VWA8: variants seen among roughly 807,000 people sequenced by gnomAD.
VWA8 encodes the protein von Willebrand factor A domain-containing protein 8.
VWA8 carries 221 observed loss-of-function variants against 241.5 expected under a neutral mutation model. The observed-to-expected ratio is 0.91, with a 90% CI of 0.82 to 1.02. The LOEUF (loss-of-function observed/expected upper bound fraction) is 1.02, where lower values mean the gene tolerates loss of function less well. Ranked by LOEUF, VWA8 falls within the 50% of genes least tolerant of loss-of-function variation. The pLI, the probability that VWA8 is intolerant of heterozygous loss-of-function variation, is 0.00. For missense variants in VWA8, 2,322 were observed against 2,328.7 expected (o/e 1.00, Z 0.06); for synonymous variants, 852 against 827.1 (o/e 1.03, Z -0.52).
intron 20 of VWA8, among the ~76,000 whole-genome samples, chr13:41,765,781 T>C (rs1229523964): frequency 1.3e-5 from 2 of 152,204 alleles, no homozygotes; most frequent in East Asian, 1.9e-4. Flanking sequence ...TTGTATCCTT[T>C]AGTAAAAATC....
chr13:41,776,755 CA>C (rs1593764484), intron 20 of VWA8, among the ~76,000 whole-genome samples: 1 of 152,208 alleles, frequency 6.6e-6, no homozygotes, highest in East Asian at 1.9e-4. Context: ...GTAAGATAAG[CA>C]ATTTGCCCAA....
chr13:41,880,006 A>G (rs1874093787), intron 9 of VWA8, among the ~76,000 whole-genome samples: 1 of 152,232 alleles, frequency 6.6e-6, no homozygotes, highest in Non-Finnish European at 1.5e-5. Context: ...AAGGGTCAAC[A>G]CTTTAAACAT....
At chr13:41,851,762 C>A (rs554353755) in intron 12 of VWA8, among the ~76,000 whole-genome samples, 2 of 152,010 alleles carry the variant, frequency 1.3e-5, no homozygotes, top group Non-Finnish European at 1.5e-5. Flanking sequence ...TTAATACAGA[C>A]GGGATTTTCT....
rs758456558 is a variant in VWA8 at position 41,721,383 on chromosome 13, A to C, written c.2951T>G (p.Val984Gly). The change falls in exon 25 of 45, where the codon GTC (valine) becomes GGC (glycine). Residue 984 changes from valine to glycine, a missense_variant. By Grantham distance (109) the Val-to-Gly change is moderately radical. Coordinates refer to ENST00000379310, the MANE Select transcript of VWA8 (RefSeq NM_015058.2). Reference sequence around the variant, plus strand: ...TGCCATACCTACCTGTAAATGTTTGACTATGTTGACAACTTCTCTGGTAGA... The same window carrying C: ...TGCCATACCTACCTGTAAATGTTTGCCTATGTTGACAACTTCTCTGGTAGA... Reference protein sequence around the residue: ...PYSTREVVNIVKHLQKFPTEG... With the variant: ...PYSTREVVNIGKHLQKFPTEG... 2.5e-6 allele frequency: 4 copies of C among 1,613,566 alleles called. No homozygotes were observed. The highest frequency in any genetic ancestry group is 8.5e-7 in the Non-Finnish European group (1 of 1,179,746).
At chr13:41,629,060 G>GCAAA (rs560949102) in intron 37 of VWA8, among the ~76,000 whole-genome samples, 1 of 151,622 alleles carries the variant, frequency 6.6e-6, no homozygotes, top group African/African-American at 2.4e-5. Flanking sequence ...ACAAAAACAA[G>GCAAA]CAAACAAACA....
intron 37 of VWA8, 126 bp downstream of exon 37, chr13:41,670,820 T>C: frequency 2.0e-6 from 2 of 1,009,402 alleles, no homozygotes; most frequent in Admixed American, 2.8e-5. Context: ...TATCTAAAAA[T>C]TCTTTTAGTT....
At chr13:41,641,739 T>C (rs1336204848) in intron 37 of VWA8, among the ~76,000 whole-genome samples, 1 of 152,120 alleles carries the variant, frequency 6.6e-6, no homozygotes, top group African/African-American at 2.4e-5. Context: ...TGCTCATTTG[T>C]ATTCATACTG....
At chr13:41,756,751 T>A (rs1366993758) in intron 21 of VWA8, among the ~76,000 whole-genome samples, 1 of 151,666 alleles carries the variant, frequency 6.6e-6, no homozygotes, top group Non-Finnish European at 1.5e-5. Flanking sequence ...AAAAAAAGTT[T>A]TTTCCTTATT....
chr13:41,747,290 G>C (rs150605407), intron 21 of VWA8, among the ~76,000 whole-genome samples: 2 of 152,102 alleles, frequency 1.3e-5, no homozygotes, highest in Non-Finnish European at 2.9e-5. Flanking sequence ...GTGGTTTGTC[G>C]TTCTCCTTGA....
rs752700794 is a variant in VWA8 at position 41,751,400 on chromosome 13, C to A, written c.2426+9728G>T. ...GGAGCAGCCTGGCTGTTCTGTGCAG[C>A]GGCTGACATTGGACAGGGCTCCAGT... On this transcript the variant is annotated intron_variant, in intron 21 of 44. Transcript: ENST00000379310. 2.0e-5 allele frequency among the ~76,000 whole-genome samples: 3 copies of A among 152,132 alleles called. No homozygotes were observed. In the South Asian group the frequency reaches 6.2e-4, roughly 32 times the overall value.
intron 37 of VWA8, among the ~76,000 whole-genome samples, chr13:41,650,621 T>C (rs1471971958): frequency 6.6e-6 from 1 of 152,220 alleles, no homozygotes; most frequent in East Asian, 1.9e-4. Context: ...CATTTACTGA[T>C]TTACTGATTC....
chr13:41,799,095 A>G (rs2137958166), intron 17 of VWA8, among the ~76,000 whole-genome samples: 1 of 152,256 alleles, frequency 6.6e-6, no homozygotes, highest in East Asian at 1.9e-4. Context: ...AAACATACTT[A>G]TTTGATAGTC....
chr13:41,716,943 C>T (rs995931909), intron 26 of VWA8, among the ~76,000 whole-genome samples: 13 of 150,672 alleles, frequency 8.6e-5, no homozygotes, highest in Non-Finnish European at 1.5e-4. Flanking sequence ...AACTTTTTGG[C>T]GGTCTATGTG....
chr13:41,779,293 T>G (rs1868784326), intron 19 of VWA8, among the ~76,000 whole-genome samples: 1 of 149,888 alleles, frequency 6.7e-6, no homozygotes, highest in South Asian at 2.1e-4. Flanking sequence ...ATTTTTCTTT[T>G]TACTTGTCAA....
chr13:41,731,509 C>G (rs567123417), intron 22 of VWA8, among the ~76,000 whole-genome samples: 1 of 152,152 alleles, frequency 6.6e-6, no homozygotes, highest in Admixed American at 6.5e-5. Context: ...ATCTCTCACT[C>G]TGAAGAGAGA....
intron 24 of VWA8, among the ~76,000 whole-genome samples, chr13:41,725,677 G>A (rs1456955499): frequency 1.3e-5 from 2 of 152,132 alleles, no homozygotes; most frequent in Non-Finnish European, 2.9e-5. Flanking sequence ...TTTGGAGGTG[G>A]ATGGAAGATG....
chr13:41,957,626 T>A (rs994390837), intron 1 of VWA8, among the ~76,000 whole-genome samples: 3 of 152,116 alleles, frequency 2.0e-5, no homozygotes, highest in Non-Finnish European at 2.9e-5. Flanking sequence ...AAATAAATAA[T>A]TATACATATA....
At chr13:41,760,133 T>C (rs1339453763) in intron 21 of VWA8, among the ~76,000 whole-genome samples, 1 of 151,808 alleles carries the variant, frequency 6.6e-6, no homozygotes, top group Non-Finnish European at 1.5e-5. Flanking sequence ...GAAGGAACTC[T>C]GGTAGTTGTT....
intron 17 of VWA8, among the ~76,000 whole-genome samples, chr13:41,795,660 T>C (rs904443698): frequency 6.6e-6 from 1 of 152,182 alleles, no homozygotes; most frequent in South Asian, 2.1e-4. Flanking sequence ...TGGATGGAAC[T>C]GGAAGCCGTT....
Sources: allele counts gnomAD v4.1 joint callset (sites outside exome capture counted in the v4.1 genomes callset), GRCh38; gene constraint gnomAD v4.1.1; transcripts MANE v1.5; gene names NCBI Gene and HGNC (gene_info 2026-07-23, HGNC 2026-07-21).